The following AGBL1 variants were observed in gnomAD, a reference collection of about 807,000 sequenced individuals.
AGBL1 encodes the protein AGBL carboxypeptidase 1, also known as cytosolic carboxypeptidase 4.
In AGBL1, 130 loss-of-function variants were observed where a neutral mutation model predicts 118.9. The ratio of observed to expected loss-of-function variants is 1.09; its 90% confidence interval spans 0.95 to 1.26. AGBL1 has a LOEUF of 1.26. Ranked by LOEUF, AGBL1 falls within the 50% of genes most tolerant of loss-of-function variation. AGBL1 has a pLI of 0.00. For missense variants in AGBL1, 1,584 were observed against 1,298.1 expected (o/e 1.22, Z -3.38); for synonymous variants, 555 against 478.9 (o/e 1.16, Z -2.08).
intron 5 of AGBL1, among the ~76,000 whole-genome samples, chr15:86,180,493 C>T (rs1483840505): frequency 6.6e-6 from 1 of 152,052 alleles, no homozygotes; most frequent in African/African-American, 2.4e-5. Flanking sequence ...TAGATTTCAG[C>T]TTATACTTTA....
intron 21 of AGBL1, among the ~76,000 whole-genome samples, chr15:86,595,250 C>T (rs1044512513): frequency 9.2e-5 from 14 of 152,118 alleles, no homozygotes; most frequent in African/African-American, 3.4e-4. Flanking sequence ...ATTTATATCT[C>T]CAGCTTGGAT....
At chr15:86,751,260 T>G (rs1374955943) in intron 22 of AGBL1, among the ~76,000 whole-genome samples, 1 of 152,144 alleles carries the variant, frequency 6.6e-6, no homozygotes, top group Non-Finnish European at 1.5e-5. Flanking sequence ...AAGTGTTCCT[T>G]TTTCTTCACA....
intron 22 of AGBL1, among the ~76,000 whole-genome samples, chr15:86,822,154 T>G (rs1052550686): frequency 1.3e-5 from 2 of 152,132 alleles, no homozygotes; most frequent in African/African-American, 2.4e-5. Flanking sequence ...TATATTTGCC[T>G]CCTTTTTTGC....
chr15:86,101,032 G>T (rs1896683410), intron 1 of AGBL1, among the ~76,000 whole-genome samples: 1 of 151,872 alleles, frequency 6.6e-6, no homozygotes, highest in Non-Finnish European at 1.5e-5. Flanking sequence ...CACAACTTTT[G>T]CTGTGTGCAA....
intron 24 of AGBL1, among the ~76,000 whole-genome samples, chr15:86,995,026 C>T (rs888975878): frequency 1.3e-5 from 2 of 152,092 alleles, no homozygotes; most frequent in South Asian, 2.1e-4. Flanking sequence ...TGATGGAGAC[C>T]GTGTTACATT....
chr15:86,511,070 C>G (rs2083047459), intron 18 of AGBL1, among the ~76,000 whole-genome samples: 1 of 151,980 alleles, frequency 6.6e-6, no homozygotes, highest in Non-Finnish European at 1.5e-5. Flanking sequence ...AGTAGGTGTT[C>G]TAGTTGAACA....
intron 22 of AGBL1, among the ~76,000 whole-genome samples, chr15:86,733,065 C>A (rs914163672): frequency 2.7e-5 from 4 of 147,964 alleles, no homozygotes; most frequent in Non-Finnish European, 5.9e-5. Flanking sequence ...CTATATAAAT[C>A]ATATTATATA....
At chr15:86,400,612 A>G (rs1440467040) in intron 18 of AGBL1, among the ~76,000 whole-genome samples, 1 of 117,586 alleles carries the variant, frequency 8.5e-6, no homozygotes, top group Middle Eastern at 4.3e-3. Context: ...TCACCCCCCA[A>G]CTCTTCCCCC....
rs146893097 is a variant in AGBL1, at chr15:86,785,640, T to C, written c.3158+111204T>C. Among the ~76,000 whole-genome samples, 1,032 of 152,224 alleles carry C rather than the reference T, an allele frequency of 6.8e-3. 5 individuals are homozygous for C. Among genetic ancestry groups the C allele is most frequent in the Admixed American group, 0.011 (162 of 15,294 alleles). On this transcript the variant is annotated intron_variant, in intron 22 of 22. Transcript: ENST00000614907. The stretch of plus-strand genomic sequence containing the variant: ...GCCTTGGCCCCCCGAAGTGCTGGGA[T>C]TACAGGCATGAGCCACCATGCTCGG...
Position 86,506,962 on chromosome 15 carries a change from T to C in AGBL1, c.2556-15848T>C, listed in dbSNP as rs200747368. On this transcript the variant is annotated intron_variant, in intron 18 of 22. Transcript: ENST00000614907. ...TTTATAAATATATATAAAAGTCATA[T>C]TGCCTATGTTTAGCTTGAAGTGTAT... Among the ~76,000 whole-genome samples the C allele has an allele frequency of 1.1e-4, 16 of 152,212 alleles. No homozygotes were observed. In the East Asian group the frequency reaches 2.9e-3, roughly 28 times the overall value.
At chr15:86,108,867 G>A (rs1432933386) in intron 1 of AGBL1, among the ~76,000 whole-genome samples, 1 of 152,192 alleles carries the variant, frequency 6.6e-6, no homozygotes, top group African/African-American at 2.4e-5. Context: ...TGAGGCAGGA[G>A]AATCACTTGA....
At chr15:86,621,165 G>T (rs1027033063) in intron 21 of AGBL1, among the ~76,000 whole-genome samples, 3 of 152,024 alleles carry the variant, frequency 2.0e-5, no homozygotes, top group Admixed American at 6.6e-5. Flanking sequence ...TTGGTTATAG[G>T]GCTGTGCTTT....
intron 1 of AGBL1, among the ~76,000 whole-genome samples, chr15:86,115,721 T>G (rs1392883721): frequency 1.3e-5 from 2 of 152,198 alleles, no homozygotes; most frequent in Non-Finnish European, 2.9e-5. Context: ...GTTCTCTTTC[T>G]TCTCTTCTCT....
rs186583325 is a variant in AGBL1 at position 86,899,106 on chromosome 15, C to T, written c.3159-7981C>T. 6.6e-3 allele frequency among the ~76,000 whole-genome samples: 1,000 copies of T among 152,082 alleles called. 7 individuals carry two copies. The highest frequency in any genetic ancestry group is 0.023 in the African/African-American group (951 of 41,482). ...ATGCACACGAATGTTTATTGCAGCA[C>T]GATACACAATAGCAAAGACATGGAT... is the stretch of plus-strand genomic sequence containing the variant. On this transcript the variant is annotated intron_variant, in intron 22 of 22. Transcript: ENST00000614907.
intron 16 of AGBL1, among the ~76,000 whole-genome samples, chr15:86,290,252 G>C (rs767882503): frequency 3.0e-4 from 46 of 151,156 alleles, no homozygotes; most frequent in Non-Finnish European, 6.6e-4. Context: ...ATGTAAGCTT[G>C]TTTAACTGGG....
intron 22 of AGBL1, among the ~76,000 whole-genome samples, chr15:86,770,341 G>A (rs2078159312): frequency 6.6e-6 from 1 of 151,844 alleles, no homozygotes; most frequent in East Asian, 2.0e-4. Flanking sequence ...GAGACATTTG[G>A]CAATGTCTGG....
chr15:86,223,560 T>C (rs957836957), intron 5 of AGBL1, among the ~76,000 whole-genome samples: 2 of 152,212 alleles, frequency 1.3e-5, no homozygotes, highest in Admixed American at 1.3e-4. Context: ...AACAGTGGGA[T>C]TGAAGAAGCT....
chr15:86,159,196 G>A (rs916994892), intron 5 of AGBL1, among the ~76,000 whole-genome samples, 170 bp downstream of exon 5: 17 of 151,992 alleles, frequency 1.1e-4, no homozygotes, highest in African/African-American at 3.9e-4. Flanking sequence ...CCACACCCAT[G>A]AGTCATTTCC....
intron 20 of AGBL1, among the ~76,000 whole-genome samples, chr15:86,550,635 G>T (rs1241155419): frequency 6.6e-6 from 1 of 152,024 alleles, no homozygotes; most frequent in Non-Finnish European, 1.5e-5. Flanking sequence ...AAAGTTGAAA[G>T]AAGGCATTTA....
Sources: allele counts gnomAD v4.1 joint callset (sites outside exome capture counted in the v4.1 genomes callset), GRCh38; gene constraint gnomAD v4.1.1; transcripts MANE v1.5; gene names NCBI Gene and HGNC (gene_info 2026-07-23, HGNC 2026-07-21).